The following DMD variants were observed in gnomAD, a reference collection of about 807,000 sequenced individuals.
DMD encodes the protein mutant dystrophin.
DMD carries 63 observed loss-of-function variants against 330.1 expected under a neutral mutation model. The observed-to-expected ratio is 0.19, with a 90% CI of 0.16 to 0.24. The LOEUF (loss-of-function observed/expected upper bound fraction) is 0.24. Among genes scored for constraint, DMD ranks in the 10% least tolerant of loss-of-function variants. The pLI, the probability that DMD is intolerant of heterozygous loss-of-function variation, is 1.00. For synonymous variants in DMD, 1,223 were observed against 959.8 expected (o/e 1.27, Z -5.07); for missense variants, 3,344 against 2,684.1 (o/e 1.25, Z -5.43).
At chrX:31,309,573 G>T (rs1464256956) in intron 62 of DMD, among the ~76,000 whole-genome samples, 6 of 111,156 alleles carry the variant, frequency 5.4e-5, no homozygotes, top group Non-Finnish European at 1.1e-4. Flanking sequence ...TATAACATTT[G>T]GATCTCACAT....
chrX:32,199,778 TTTTGTGTGTGTGTG>T (rs1416804298), intron 44 of DMD, among the ~76,000 whole-genome samples: 30 of 69,319 alleles, frequency 4.3e-4, no homozygotes, highest in African/African-American at 1.6e-3. Context: ...CACGCAAGGC[TTTTGTGTGTGTGTG>T]TGTGTGTGTG....
intron 41 of DMD, among the ~76,000 whole-genome samples, chrX:32,323,192 C>G: frequency 8.9e-6 from 1 of 111,777 alleles, no homozygotes; most frequent in Non-Finnish European, 1.9e-5. Context: ...TATAAATAAT[C>G]TAGAGATGAT....
intron 11 of DMD, among the ~76,000 whole-genome samples, chrX:32,628,877 G>A (rs1431835508): frequency 8.9e-6 from 1 of 111,829 alleles, no homozygotes; most frequent in East Asian, 2.8e-4. Context: ...GATCAGAAAA[G>A]CTAATTTATG....
chrX:32,324,885 A>G lies in DMD; in HGVS notation c.5923-14609T>C, dbSNP rs1167623209. Among the ~76,000 whole-genome samples, 3 of 111,662 alleles carry G rather than the reference A, an allele frequency of 2.7e-5. 1 individual carries two copies. The highest frequency in any genetic ancestry group is 5.6e-4 in the East Asian group (2 of 3,569). ...AAAATTACATAGAGAGGAAACTTTT[A>G]AAAGCATCAAAAAGAAAGATTTGAT... On this transcript the variant is annotated intron_variant, in intron 41 of 78. Transcript: ENST00000357033.
At chrX:32,652,405 C>A (rs751829016) in intron 9 of DMD, among the ~76,000 whole-genome samples, 1 of 106,475 alleles carries the variant, frequency 9.4e-6, no homozygotes, top group African/African-American at 3.4e-5. Flanking sequence ...TTTGTCCTTG[C>A]GTTAGCTTGC....
chrX:32,548,087 A>G (rs946294136), intron 16 of DMD, among the ~76,000 whole-genome samples: 2 of 111,692 alleles, frequency 1.8e-5, no homozygotes, highest in African/African-American at 3.2e-5. Flanking sequence ...CACCATAGTC[A>G]ATCAAAGAAT....
At chrX:32,666,873 G>A (rs373797729) in intron 9 of DMD, among the ~76,000 whole-genome samples, 16 of 108,399 alleles carry the variant, frequency 1.5e-4, no homozygotes, top group African/African-American at 5.4e-4. Flanking sequence ...GTTTTGTGAG[G>A]CAAGGAATTC....
intron 44 of DMD, among the ~76,000 whole-genome samples, chrX:32,092,185 C>T (rs1260418572): frequency 9.0e-6 from 1 of 111,456 alleles, no homozygotes; most frequent in Non-Finnish European, 1.9e-5. Context: ...TGATAATGTG[C>T]CTCAATCTAG....
intron 62 of DMD, among the ~76,000 whole-genome samples, chrX:31,301,753 T>TTGTTTTTTTTTGTTTGTTTGTTG (rs2054657403): frequency 9.3e-6 from 1 of 107,001 alleles, no homozygotes; most frequent in East Asian, 2.8e-4. Flanking sequence ...CTTTTTTTGT[T>TTGTTTTTTTTTGTTTGTTTGTTG]TGTTTTTTTT....
chrX:32,604,532 T>C (rs1393558053), intron 12 of DMD, among the ~76,000 whole-genome samples: 2 of 109,852 alleles, frequency 1.8e-5, no homozygotes, highest in African/African-American at 6.6e-5. Flanking sequence ...CAATTCAACA[T>C]AGTACTGGAA....
At chrX:32,542,023 C>A (rs1480033712) in intron 17 of DMD, among the ~76,000 whole-genome samples, 1 of 111,408 alleles carries the variant, frequency 9.0e-6, no homozygotes, top group African/African-American at 3.3e-5. Flanking sequence ...GCGGAAATAG[C>A]TTTAGAGATA....
chrX:32,382,130 T>G (rs770063493), intron 33 of DMD, among the ~76,000 whole-genome samples: 1 of 111,687 alleles, frequency 9.0e-6, no homozygotes, highest in Non-Finnish European at 1.9e-5. Flanking sequence ...TGTGCCTGAA[T>G]GTATAGAGCA....
chrX:32,777,276 T>TGGGGGGGGGGGGGGGGGGG (rs1373161447), intron 7 of DMD, among the ~76,000 whole-genome samples: 7 of 500 alleles, frequency 0.014, no homozygotes, highest in Admixed American at 0.059. Flanking sequence ...TGGTTTCTGG[T>TGGGGGGGGGGGGGGGGGGG]TGGGGGGGGA....
At chrX:32,081,511 G>C (rs1193521463) in intron 44 of DMD, among the ~76,000 whole-genome samples, 1 of 112,047 alleles carries the variant, frequency 8.9e-6, no homozygotes, top group Non-Finnish European at 1.9e-5. Flanking sequence ...TCTTGAATAT[G>C]TATTGGTCCA....
At chrX:32,319,455 G>A (rs1275720663) in intron 41 of DMD, among the ~76,000 whole-genome samples, 1 of 111,472 alleles carries the variant, frequency 9.0e-6, no homozygotes, top group Non-Finnish European at 1.9e-5. Context: ...AACTTAACAG[G>A]ATAATTATAA....
At chrX:32,910,902 G>A (rs772546128) in intron 2 of DMD, among the ~76,000 whole-genome samples, 3 of 111,831 alleles carry the variant, frequency 2.7e-5, no homozygotes, top group Non-Finnish European at 3.8e-5. Context: ...TCAATTATGG[G>A]TATTAAACCA....
At chrX:31,319,755 T>C (rs182026595) in intron 62 of DMD, among the ~76,000 whole-genome samples, 2 of 112,440 alleles carry the variant, frequency 1.8e-5, no homozygotes, top group African/African-American at 3.2e-5. Context: ...CCTGCATGCA[T>C]GTTTGGGATT....
intron 45 of DMD, among the ~76,000 whole-genome samples, chrX:31,964,872 C>G (rs2095338313): frequency 9.0e-6 from 1 of 110,876 alleles, no homozygotes; most frequent in African/African-American, 3.3e-5. Context: ...AACCACTATT[C>G]CTTAATGCAT....
chrX:32,995,607 A>G (rs186044649), intron 2 of DMD, among the ~76,000 whole-genome samples: 1 of 112,219 alleles, frequency 8.9e-6, no homozygotes, highest in East Asian at 2.8e-4. Flanking sequence ...GCATATTGCC[A>G]CGGAAGAAGG....
Sources: gnomAD v4.1 joint callset for allele counts (sites outside exome capture counted in the v4.1 genomes callset) on GRCh38, gnomAD v4.1.1 for gene constraint, MANE v1.5 for transcripts, NCBI Gene and HGNC (gene_info 2026-07-23, HGNC 2026-07-21) for gene names.